Variants in NBAS observed in about 807,000 individuals in gnomAD.
NBAS encodes the protein NAG/BC035112 fusion.
Under a neutral mutation model 302.5 loss-of-function variants are expected in NBAS, and 219 were observed. That is an observed-to-expected ratio of 0.72 (90% CI 0.65 to 0.81). The LOEUF (loss-of-function observed/expected upper bound fraction) is 0.81, where lower values mean the gene tolerates loss of function less well. Among genes scored for constraint, NBAS ranks in the 30% least tolerant of loss-of-function variants. NBAS has a pLI of 0.00. For synonymous variants in NBAS, 1,118 were observed against 1,021.6 expected, an observed-to-expected ratio of 1.09 and a Z score of -1.80; for missense variants, 2,932 against 2,841.6, an observed-to-expected ratio of 1.03 and a Z score of -0.72.
the NBAS span, among the ~76,000 whole-genome samples, chr2:14,948,125 T>G: frequency 1.3e-5 from 2 of 152,090 alleles, no homozygotes; most frequent in African/African-American, 4.8e-5. Flanking sequence ...GCATCTATGA[T>G]CATCAGATGA....
the NBAS span, among the ~76,000 whole-genome samples, chr2:15,059,682 T>A: frequency 1.3e-5 from 2 of 152,010 alleles, no homozygotes; most frequent in Non-Finnish European, 2.9e-5. Context: ...AGAAAGGCAA[T>A]CATGTTGGAG....
the NBAS span, among the ~76,000 whole-genome samples, chr2:15,126,407 C>T: frequency 6.6e-6 from 1 of 152,270 alleles, no homozygotes; most frequent in South Asian, 2.1e-4. Context: ...TACAGGAGCC[C>T]TGGTAGAGGA....
the NBAS span, among the ~76,000 whole-genome samples, chr2:15,061,192 G>A: frequency 2.5e-4 from 38 of 152,220 alleles, 1 homozygote; most frequent in African/African-American, 7.9e-4. Flanking sequence ...ATACATGCAC[G>A]TGCTCACCTG....
At chr2:15,178,317 C>T (rs1034813853) in intron 51 of NBAS, among the ~76,000 whole-genome samples, 1 of 152,158 alleles carries the variant, frequency 6.6e-6, no homozygotes, top group Admixed American at 6.5e-5. Flanking sequence ...ATGATCTCCA[C>T]ACAAAAGGGC....
the NBAS span, among the ~76,000 whole-genome samples, chr2:14,977,020 C>T: frequency 1.3e-5 from 2 of 152,298 alleles, no homozygotes; most frequent in Admixed American, 1.3e-4. Flanking sequence ...ACCACCCTAA[C>T]AAAACTGGAA....
intron 19 of NBAS, among the ~76,000 whole-genome samples, chr2:15,466,568 T>G (rs924927808): frequency 1.3e-5 from 2 of 152,142 alleles, no homozygotes; most frequent in Admixed American, 1.3e-4. Context: ...AAGTATACTG[T>G]TTTTAAGCTC....
the NBAS span, among the ~76,000 whole-genome samples, chr2:14,990,000 T>C: frequency 3.3e-5 from 5 of 152,206 alleles, no homozygotes; most frequent in African/African-American, 4.8e-5. Context: ...ATCAAAATTT[T>C]ACTCATTTAT....
chr2:15,041,724 T>G, the NBAS span, among the ~76,000 whole-genome samples: 1 of 152,204 alleles, frequency 6.6e-6, no homozygotes, highest in Non-Finnish European at 1.5e-5. Flanking sequence ...CTTCCGCCAC[T>G]CTACCCGGCA....
chr2:15,478,383 A>C (rs1349090437), intron 12 of NBAS, 94 bp from the exon 13 acceptor site: 1 of 898,192 alleles, frequency 1.1e-6, no homozygotes, highest in Non-Finnish European at 1.8e-6. Context: ...TAAAGAGATG[A>C]CGCTTTCCCT....
the NBAS span, among the ~76,000 whole-genome samples, chr2:15,079,858 A>G: frequency 6.6e-6 from 1 of 152,226 alleles, no homozygotes; most frequent in Admixed American, 6.5e-5. Flanking sequence ...TCCAAAGGCC[A>G]GGCACAGAGT....
the NBAS span, among the ~76,000 whole-genome samples, chr2:14,909,406 A>G: frequency 6.9e-6 from 1 of 145,098 alleles, no homozygotes; most frequent in Non-Finnish European, 1.5e-5. Flanking sequence ...CCACATACCT[A>G]CACTGGAACA....
chr2:14,973,125 A>G, the NBAS span, among the ~76,000 whole-genome samples: 2 of 152,226 alleles, frequency 1.3e-5, no homozygotes, highest in South Asian at 2.1e-4. Flanking sequence ...ACATAAAGGC[A>G]TTAGTTATAA....
At chr2:14,875,436 G>A in the NBAS span, among the ~76,000 whole-genome samples, 17 of 152,122 alleles carry the variant, frequency 1.1e-4, no homozygotes, top group African/African-American at 3.9e-4. Context: ...CCAACATGGT[G>A]AAACCCCATC....
intron 35 of NBAS, among the ~76,000 whole-genome samples, chr2:15,333,576 T>C (rs1672445743): frequency 6.6e-6 from 1 of 152,124 alleles, no homozygotes; most frequent in Non-Finnish European, 1.5e-5. Flanking sequence ...ACTGGAAACA[T>C]AATGAAGTTA....
chr2:15,006,962 C>T, the NBAS span, among the ~76,000 whole-genome samples: 4 of 152,270 alleles, frequency 2.6e-5, no homozygotes, highest in Admixed American at 2.0e-4. Context: ...GGTCATGAGC[C>T]TTCACTTAGG....
rs991282657 is a variant in NBAS at position 15,405,625 on chromosome 2, T to C, written c.2938-3324A>G. On this transcript the variant is annotated intron_variant, in intron 25 of 51. Coordinates refer to ENST00000281513, the MANE Select transcript of NBAS (RefSeq NM_015909.4). ...AGCAAGGTAAAATGCAAAAGAATAATAATTTCTAAAAACTCTTAAAATTAT... is the reference window on the plus strand; with the variant it reads ...AGCAAGGTAAAATGCAAAAGAATAACAATTTCTAAAAACTCTTAAAATTAT... Among the ~76,000 whole-genome samples the C allele has an allele frequency of 2.6e-5, 4 of 152,140 alleles. No individual in the cohort carries two copies. In the East Asian group the frequency reaches 7.7e-4, roughly 29 times the overall value.
At chr2:15,480,387 A>C (rs562989075) in intron 12 of NBAS, among the ~76,000 whole-genome samples, 1 of 152,120 alleles carries the variant, frequency 6.6e-6, no homozygotes, top group East Asian at 1.9e-4. Context: ...GAAAAAAAAA[A>C]AACCGATATT....
chr2:15,055,840 A>G, the NBAS span, among the ~76,000 whole-genome samples: 13 of 152,208 alleles, frequency 8.5e-5, no homozygotes, highest in Non-Finnish European at 1.2e-4. Flanking sequence ...AACTACATAT[A>G]TTGTGAAAAT....
rs183445823 is a variant in NBAS, at chr2:15,343,848, A to T, written c.4179+8144T>A. ...ACAAAAGTATAATACATAAAAGAAA[A>T]TATTAATAAACAAAACTTCAGGAAC... On this transcript the variant is annotated intron_variant, in intron 35 of 51. Coordinates refer to ENST00000281513, the MANE Select transcript of NBAS (RefSeq NM_015909.4). Among the ~76,000 whole-genome samples, 4 of 151,936 alleles carry T rather than the reference A, an allele frequency of 2.6e-5. No individual in the cohort carries two copies. The East Asian group carries it at 7.7e-4, about 29-fold the overall frequency.
Sources: gnomAD v4.1 joint callset for allele counts (sites outside exome capture counted in the v4.1 genomes callset) on GRCh38, gnomAD v4.1.1 for gene constraint, MANE v1.5 for transcripts, NCBI Gene and HGNC (gene_info 2026-07-23, HGNC 2026-07-21) for gene names.